Variants in SLC16A10 observed in about 807,000 individuals in gnomAD.
SLC16A10 encodes the protein monocarboxylate transporter 10.
A neutral mutation model predicts 40.0 loss-of-function variants in SLC16A10; 27 were observed. The ratio of observed to expected loss-of-function variants is 0.67; its 90% CI spans 0.50 to 0.93. SLC16A10 has a LOEUF of 0.93. SLC16A10 is among the 40% of genes least tolerant of loss of function. The pLI is 0.00. For missense variants in SLC16A10, 529 were observed against 658.2 expected, an observed-to-expected ratio of 0.80 and a Z score of 2.15; for synonymous variants, 213 against 249.8, an observed-to-expected ratio of 0.85 and a Z score of 1.39.
At chr6:111,153,608 G>T (rs955106837) in intron 1 of SLC16A10, among the ~76,000 whole-genome samples, 4 of 152,134 alleles carry the variant, frequency 2.6e-5, no homozygotes, top group Non-Finnish European at 4.4e-5. Flanking sequence ...GACAGAGGAG[G>T]TTTTTGGGCT....
At chr6:111,207,616 T>C (rs929104874) in intron 4 of SLC16A10, among the ~76,000 whole-genome samples, 12 of 152,166 alleles carry the variant, frequency 7.9e-5, no homozygotes, top group Non-Finnish European at 1.6e-4. Flanking sequence ...GTTTGCTAGA[T>C]GAGTGCCATA....
At chr6:111,145,722 A>G (rs1242701061) in intron 1 of SLC16A10, among the ~76,000 whole-genome samples, 1 of 152,036 alleles carries the variant, frequency 6.6e-6, no homozygotes, top group Admixed American at 6.6e-5. Flanking sequence ...GGCAGTGTGT[A>G]CCTGTATTCC....
At chr6:111,181,291 A>G (rs1419332197) in intron 3 of SLC16A10, among the ~76,000 whole-genome samples, 2 of 152,126 alleles carry the variant, frequency 1.3e-5, no homozygotes, top group East Asian at 1.9e-4. Flanking sequence ...TACTAGTTGC[A>G]TAACCTTGGG....
At chr6:111,161,241 A>AAG (rs1291026464) in intron 1 of SLC16A10, among the ~76,000 whole-genome samples, 8 of 151,074 alleles carry the variant, frequency 5.3e-5, no homozygotes, top group Admixed American at 6.6e-5. Context: ...AAAAAAAAAA[A>AAG]AAAAAGAAAG....
chr6:111,172,656 C>A, intron 1 of SLC16A10, 39 bp from the exon 2 acceptor site: 1 of 1,594,284 alleles, frequency 6.3e-7, no homozygotes, highest in Non-Finnish European at 8.6e-7. Context: ...TATAACTTAC[C>A]ATGTCATAAT....
At chr6:111,100,986 C>CTA (rs1210419070) in intron 1 of SLC16A10, among the ~76,000 whole-genome samples, 4 of 89,356 alleles carry the variant, frequency 4.5e-5, no homozygotes, top group Admixed American at 1.1e-4. Flanking sequence ...CTCTCTCTCT[C>CTA]TCTCTCTATA....
chr6:111,148,082 ATCTT>A (rs760160421), intron 1 of SLC16A10, among the ~76,000 whole-genome samples: 56 of 152,346 alleles, frequency 3.7e-4, no homozygotes, highest in Non-Finnish European at 6.3e-4. Context: ...TTTGAGACAC[ATCTT>A]TCTTTCATGC....
At chr6:111,207,642 T>C (rs1482709076) in intron 4 of SLC16A10, among the ~76,000 whole-genome samples, 3 of 152,160 alleles carry the variant, frequency 2.0e-5, no homozygotes, top group Non-Finnish European at 4.4e-5. Context: ...ACAGGCACCA[T>C]GCATCTGAGT....
chr6:111,144,017 A>G (rs1006198359), intron 1 of SLC16A10, among the ~76,000 whole-genome samples: 2 of 152,120 alleles, frequency 1.3e-5, no homozygotes, highest in Admixed American at 6.5e-5. Context: ...TAGGTTCCTC[A>G]GTTATAACAA....
rs539392214 is a variant in SLC16A10, at chr6:111,158,955, T to C, written c.344-13740T>C. 7.9e-4 allele frequency among the ~76,000 whole-genome samples: 118 copies of C among 149,380 alleles called. 2 individuals are homozygous for C. The South Asian group carries it at 0.024, about 31-fold the overall frequency. On this transcript the variant is annotated intron_variant, in intron 1 of 5. Transcript: ENST00000368851. ...AGCCAGGTGTGGTGGCCTGCACCTG[T>C]AGTTCTAGCTACTCGGGAGCCTGAG...
chr6:111,116,116 C>T (rs1321776048), intron 1 of SLC16A10, among the ~76,000 whole-genome samples: 1 of 152,142 alleles, frequency 6.6e-6, no homozygotes, highest in Non-Finnish European at 1.5e-5. Flanking sequence ...CAGAATCTCA[C>T]TCCCTAGCAT....
At chr6:111,198,769 A>G (rs938178161) in intron 3 of SLC16A10, among the ~76,000 whole-genome samples, 1 of 152,180 alleles carries the variant, frequency 6.6e-6, no homozygotes, top group South Asian at 2.1e-4. Context: ...ACCCACACCT[A>G]CCTGTTCATT....
At chr6:111,126,276 T>C (rs879296399) in intron 1 of SLC16A10, among the ~76,000 whole-genome samples, 1 of 152,136 alleles carries the variant, frequency 6.6e-6, no homozygotes, top group Non-Finnish European at 1.5e-5. Context: ...TTTTTCCATG[T>C]AATGAATGAG....
chr6:111,177,342 A>C lies in SLC16A10; in HGVS notation c.619A>C (p.Thr207Pro). 1 of 1,613,752 alleles carries C rather than the reference A, an allele frequency of 6.2e-7. No homozygotes were observed. The highest frequency in any genetic ancestry group is 8.5e-7 in the Non-Finnish European group (1 of 1,179,896). ...CCTTGGACTGGTGAATGGCATTGTC[A>C]CTGCTGGCAGCAGTGTCTTCACAAT... is the stretch of plus-strand genomic sequence containing the variant. ...KRLGLVNGIVTAGSSVFTILL... is the reference protein window; with the variant it reads ...KRLGLVNGIVPAGSSVFTILL... The change falls in exon 3 of 6, where the codon ACT becomes CCT. Residue 207 changes from threonine (T) to proline (P), a missense_variant. By Grantham distance (38) the Thr-to-Pro change is conservative. Transcript: ENST00000368851.
At chr6:111,213,518 T>G (rs976012926) in intron 4 of SLC16A10, among the ~76,000 whole-genome samples, 1 of 152,232 alleles carries the variant, frequency 6.6e-6, no homozygotes, top group African/African-American at 2.4e-5. Context: ...ATTTTACATT[T>G]GCCTAAAGAT....
At chr6:111,179,014 CT>C (rs1772742020) in intron 3 of SLC16A10, among the ~76,000 whole-genome samples, 1 of 152,010 alleles carries the variant, frequency 6.6e-6, no homozygotes, top group Admixed American at 6.6e-5. Context: ...AGTAGAAATT[CT>C]TTTTCTTTTT....
chr6:111,211,677 C>T (rs1164915583), intron 4 of SLC16A10, among the ~76,000 whole-genome samples: 4 of 152,198 alleles, frequency 2.6e-5, no homozygotes, highest in African/African-American at 4.8e-5. Context: ...CGGCACAGGA[C>T]GCAACACAGG....
At chr6:111,128,081 G>A (rs1225548945) in intron 1 of SLC16A10, among the ~76,000 whole-genome samples, 1 of 152,264 alleles carries the variant, frequency 6.6e-6, no homozygotes, top group South Asian at 2.1e-4. Context: ...GCCAAAAGGG[G>A]CAGTGATACC....
At position 111,226,862 on chromosome 6, in the gene SLC16A10, C is replaced by A. The variant is rs191631; in HGVS notation, c.*4627C>A. On this transcript the variant is annotated 3_prime_UTR_variant, in exon 6 of 6. Transcript: ENST00000368851. ...TCATTAGTTCTAAGGCCATGTGTGG[C>A]GGCTCACGCCTGTAATCCCAGCACT... The A allele has an allele frequency of 0.82, 125,108 of 152,286 alleles. 51,611 individuals are homozygous for A. Among genetic ancestry groups the A allele is most frequent in the Non-Finnish European group, 0.87 (59,181 of 68,056 alleles). The allele number at this position is 152,286 out of a possible 1,614,324, so 9.4% of individuals were successfully genotyped here.
Sources: gnomAD v4.1 joint callset for allele counts (sites outside exome capture counted in the v4.1 genomes callset) on GRCh38, gnomAD v4.1.1 for gene constraint, MANE v1.5 for transcripts, NCBI Gene and HGNC (gene_info 2026-07-23, HGNC 2026-07-21) for gene names.